The following BCL11A variants were observed in gnomAD, a reference collection of about 807,000 sequenced individuals.
The protein encoded by BCL11A is BCL11 transcription factor A.
BCL11A carries 2 observed loss-of-function variants against 55.9 expected under a neutral mutation model. The observed-to-expected ratio is 0.04, with a 90% CI of 0.01 to 0.11. BCL11A has a LOEUF of 0.11. Among genes scored for constraint, BCL11A ranks in the 10% least tolerant of loss-of-function variants. The pLI, the probability that BCL11A is intolerant of heterozygous loss-of-function variation, is 1.00. For missense variants in BCL11A, 817 were observed against 1,137.1 expected, an observed-to-expected ratio of 0.72 and a Z score of 4.05; for synonymous variants, 465 against 473.4, an observed-to-expected ratio of 0.98 and a Z score of 0.23.
chr2:60,512,340 C>T (rs185143671), intron 2 of BCL11A, among the ~76,000 whole-genome samples: 1 of 152,188 alleles, frequency 6.6e-6, no homozygotes, highest in South Asian at 2.1e-4. Flanking sequence ...AACTGGGTGG[C>T]CTGGGCAAGT....
At chr2:60,549,034 G>C (rs1011497333) in intron 1 of BCL11A, among the ~76,000 whole-genome samples, 1 of 152,094 alleles carries the variant, frequency 6.6e-6, no homozygotes, top group African/African-American at 2.4e-5. Context: ...ACATTTCTAA[G>C]CTCCGGCCTA....
rs114252508 is a variant in BCL11A at position 60,461,196 on chromosome 2, G to A, written c.1716C>T (p.Arg572=). 8.6e-4 allele frequency: 1,381 copies of A among 1,612,388 alleles called. 5 individuals carry two copies. The highest frequency in any genetic ancestry group is 5.3e-3 in the Middle Eastern group (32 of 6,062). Residue 572 remains arginine, a synonymous_variant, in exon 4 of 4, where the codon CGC becomes CGT. Coordinates refer to ENST00000642384, the MANE Select transcript of BCL11A (RefSeq NM_022893.4). Reference sequence around the variant, plus strand: ...GGCCCTCGGCCTCGGCCAGGTGGCCGCGCTTATGCTTCTCGCCCAGGACCT... The same window carrying A: ...GGCCCTCGGCCTCGGCCAGGTGGCCACGCTTATGCTTCTCGCCCAGGACCT... ...FHQVLGEKHK[R]GHLAEAEGHR...
At chr2:60,470,787 G>T (rs552064098) in intron 2 of BCL11A, among the ~76,000 whole-genome samples, 1 of 152,288 alleles carries the variant, frequency 6.6e-6, no homozygotes, top group African/African-American at 2.4e-5. Flanking sequence ...CTATCTGGCA[G>T]CATAGTTTGT....
chr2:60,509,285 G>C (rs1244928743), intron 2 of BCL11A, among the ~76,000 whole-genome samples: 2 of 152,182 alleles, frequency 1.3e-5, no homozygotes, highest in East Asian at 3.9e-4. Context: ...AAGGAAAAAG[G>C]CTCTATGTGC....
chr2:60,552,803 T>C (rs1670476191), intron 1 of BCL11A, among the ~76,000 whole-genome samples: 1 of 147,846 alleles, frequency 6.8e-6, no homozygotes, highest in African/African-American at 2.5e-5. Flanking sequence ...GGAAGCAACC[T>C]CCCTTTCCCC....
intron 2 of BCL11A, among the ~76,000 whole-genome samples, chr2:60,488,949 G>A (rs991890473): frequency 9.9e-5 from 15 of 152,082 alleles, no homozygotes; most frequent in Admixed American, 4.6e-4. Context: ...TGGTAGAGAC[G>A]GGGTTTCTCC....
chr2:60,458,718 G>A lies in BCL11A; in HGVS notation c.*1686C>T, dbSNP rs1479901421. ...ACCTGTAAACTGGGAAAATTGTACA[G>A]TGCACTTAATTGTCCTATCTGAGCA... On this transcript the variant is annotated 3_prime_UTR_variant, in exon 4 of 4. Transcript: ENST00000642384. The A allele has an allele frequency of 9.7e-7, 1 of 1,032,770 alleles. No individual in the cohort carries two copies. Among genetic ancestry groups the A allele is most frequent in the Non-Finnish European group, 1.2e-6 (1 of 858,516 alleles). 64.0% of individuals were successfully genotyped at this position (1,032,770 alleles called of 1,614,324 possible). A position where few individuals can be genotyped will look rare whatever the true frequency, so the allele number is the denominator to read the frequency against.
chr2:60,474,888 C>A (rs1677433687), intron 2 of BCL11A, among the ~76,000 whole-genome samples: 1 of 152,138 alleles, frequency 6.6e-6, no homozygotes, highest in African/African-American at 2.4e-5. Flanking sequence ...AAGGCCTGCA[C>A]AGAAATTGCT....
intron 2 of BCL11A, among the ~76,000 whole-genome samples, chr2:60,486,173 C>T (rs1678264776): frequency 6.6e-6 from 1 of 152,142 alleles, no homozygotes; most frequent in South Asian, 2.1e-4. Flanking sequence ...GGCAAGACAT[C>T]CTAGGGAGAC....
chr2:60,473,726 T>A (rs1447465942), intron 2 of BCL11A, among the ~76,000 whole-genome samples: 3 of 152,258 alleles, frequency 2.0e-5, no homozygotes, highest in Non-Finnish European at 4.4e-5. Context: ...CAGAGTATTA[T>A]AGAGCAAACA....
At chr2:60,551,074 A>AC (rs933591175) in intron 1 of BCL11A, 28 of 395,314 alleles carry the variant, frequency 7.1e-5, no homozygotes, top group Non-Finnish European at 1.0e-4. Flanking sequence ...CCCTGTGCGC[A>AC]CCCCCCACCA....
At chr2:60,502,663 ACT>A (rs1433017050) in intron 2 of BCL11A, among the ~76,000 whole-genome samples, 5 of 152,082 alleles carry the variant, frequency 3.3e-5, no homozygotes, top group Non-Finnish European at 7.4e-5. Context: ...TAAACCAGAA[ACT>A]CTTTGTGTTG....
rs1676324545 is a variant in BCL11A, at chr2:60,461,927, G to C, written c.985C>G (p.Pro329Ala). ...CTGGGCCGGCCTGGGGACAGCGGTG[G>C]GCTAGACGTGTTCCCTGCCAGCTCT... ...LRELAGNTSS[P>A]PLSPGRPSPM... Residue 329 changes from proline (P) to alanine (A), a missense_variant, in exon 4 of 4, where the codon CCA (proline) becomes GCA (alanine). By Grantham distance (27) the Pro-to-Ala change is conservative (BLOSUM62 -1). This residue lies in a region of BCL11A where 363 missense variants were observed against 486.6 expected (regional missense o/e 0.75). Coordinates refer to ENST00000642384, the MANE Select transcript of BCL11A (RefSeq NM_022893.4). 2 of 1,614,002 alleles carry C rather than the reference G, an allele frequency of 1.2e-6. No individual in the cohort carries two copies. The highest frequency in any genetic ancestry group is 2.7e-5 in the African/African-American group (2 of 74,922).
chr2:60,482,355 C>T lies in BCL11A; in HGVS notation c.386-13522G>A, dbSNP rs4671392. 2.6e-5 allele frequency among the ~76,000 whole-genome samples: 4 copies of T among 151,996 alleles called. 1 individual carries two copies. The highest frequency in any genetic ancestry group is 2.0e-4 in the Admixed American group (3 of 15,252). On this transcript the variant is annotated intron_variant, in intron 2 of 3. Transcript: ENST00000642384. Reference sequence around the variant, plus strand: ...TACATGGAGCAGAGCCGAGAATATCCGGAACTGGAGAAAAGTGAGAAATGG... The same window carrying T: ...TACATGGAGCAGAGCCGAGAATATCTGGAACTGGAGAAAAGTGAGAAATGG...
chr2:60,513,997 C>T (rs1237394975), intron 2 of BCL11A, among the ~76,000 whole-genome samples: 1 of 152,200 alleles, frequency 6.6e-6, no homozygotes, highest in Non-Finnish European at 1.5e-5. Flanking sequence ...GTCCTAAATC[C>T]TCAGAGAAGG....
At chr2:60,552,878 C>G (rs1670478905) in intron 1 of BCL11A, among the ~76,000 whole-genome samples, 1 of 99,100 alleles carries the variant, frequency 1.0e-5, no homozygotes, top group Admixed American at 1.0e-4. Flanking sequence ...CATTATTTTG[C>G]AAAACTGGCG....
intron 2 of BCL11A, among the ~76,000 whole-genome samples, chr2:60,479,727 C>T (rs1029896291): frequency 2.6e-5 from 4 of 152,182 alleles, no homozygotes; most frequent in Admixed American, 6.5e-5. Context: ...CAATGTAATT[C>T]AAGGCAAAGA....
At position 60,457,322 on chromosome 2, in the gene BCL11A, A is replaced by T; in HGVS notation, c.*3082T>A. On this transcript the variant is annotated 3_prime_UTR_variant, in exon 4 of 4. Transcript: ENST00000642384. Reference sequence around the variant, plus strand: ...TAGAACTTAACAAAGACCAGAAACAAATACAATAAAAAGCCAGGTTGTAAT... The same window carrying T: ...TAGAACTTAACAAAGACCAGAAACATATACAATAAAAAGCCAGGTTGTAAT... 2.0e-6 allele frequency: 2 copies of T among 1,022,552 alleles called. No homozygotes were observed. The highest frequency in any genetic ancestry group is 2.3e-6 in the Non-Finnish European group (2 of 851,278). 63.3% of individuals were successfully genotyped at this position (1,022,552 alleles called of 1,614,324 possible). A position where few individuals can be genotyped will look rare whatever the true frequency, so the allele number is the denominator to read the frequency against.
chr2:60,469,420 G>C (rs1199290562), intron 2 of BCL11A, among the ~76,000 whole-genome samples: 1 of 152,148 alleles, frequency 6.6e-6, no homozygotes, highest in Non-Finnish European at 1.5e-5. Flanking sequence ...TTTCTGGACT[G>C]AGCTGGGCCA....
Sources: allele counts gnomAD v4.1 joint callset (sites outside exome capture counted in the v4.1 genomes callset), GRCh38; gene constraint gnomAD v4.1.1; regional missense constraint gnomAD v4.1.1; transcripts MANE v1.5; gene names NCBI Gene and HGNC (gene_info 2026-07-23, HGNC 2026-07-21).